Variants in RRN3 observed in about 807,000 individuals in gnomAD.
RRN3 encodes RNA polymerase I transcription factor RRN3.
A neutral mutation model predicts 82.3 loss-of-function variants in RRN3; 38 were observed. The observed-to-expected ratio is 0.46, with a 90% CI of 0.36 to 0.61. The LOEUF (loss-of-function observed/expected upper bound fraction) is 0.61, where lower values mean the gene tolerates loss of function less well. RRN3 is among the 20% of genes least tolerant of loss of function. The probability of loss-of-function intolerance (pLI) is 0.00; values close to 1 mark genes in which losing one functional copy is unlikely to be tolerated. For synonymous variants in RRN3, 284 were observed against 284.3 expected (o/e 1.00, Z 0.01); for missense variants, 726 against 793.1 (o/e 0.92, Z 1.02).
intron 1 of RRN3, among the ~76,000 whole-genome samples, 177 bp from the exon 2 acceptor site, chr16:15,092,791 T>A (rs1340639355): frequency 6.6e-6 from 1 of 152,188 alleles, no homozygotes; most frequent in Non-Finnish European, 1.5e-5. Flanking sequence ...ATAACTGTCT[T>A]CCCACTGCAC....
chr16:15,069,170 C>T (rs2045112673), intron 14 of RRN3, among the ~76,000 whole-genome samples: 2 of 152,114 alleles, frequency 1.3e-5, no homozygotes, highest in Admixed American at 1.3e-4. Flanking sequence ...AGACTGCGAC[C>T]CCCGCAGAGG....
chr16:15,090,362 T>C (rs561691570), intron 3 of RRN3, among the ~76,000 whole-genome samples: 6 of 152,248 alleles, frequency 3.9e-5, no homozygotes, highest in Non-Finnish European at 8.8e-5. Context: ...TGACAATTAT[T>C]GCCCTTACTT....
At chr16:15,072,288 T>C (rs1385845555) in intron 12 of RRN3, among the ~76,000 whole-genome samples, 3 of 149,778 alleles carry the variant, frequency 2.0e-5, no homozygotes, top group Middle Eastern at 3.2e-3. Context: ...AGACAAAGCC[T>C]AAAGTTTTTA....
At chr16:15,075,672 A>G (rs1359879806) in intron 10 of RRN3, among the ~76,000 whole-genome samples, 1 of 152,240 alleles carries the variant, frequency 6.6e-6, no homozygotes, top group Non-Finnish European at 1.5e-5. Context: ...GAAATTTAAA[A>G]TAAAAGCCAA....
chr16:15,065,165 C>G lies in RRN3; in HGVS notation c.1706+54G>C, dbSNP rs1274337441. ...TGGGCGACAGAGTGAGACTCCGTCTCAAAAAAAAAAAAAAAATCCACCTCC... is the reference window on the plus strand; with the variant it reads ...TGGGCGACAGAGTGAGACTCCGTCTGAAAAAAAAAAAAAAAATCCACCTCC... On this transcript the variant is annotated intron_variant, in intron 16 of 17. Coordinates refer to ENST00000198767, the MANE Select transcript of RRN3 (RefSeq NM_018427.5). The G allele has an allele frequency of 4.7e-6, 6 of 1,282,362 alleles. No individual in the cohort carries two copies. In the South Asian group the frequency reaches 5.7e-5, roughly 12 times the overall value. 79.4% of individuals were successfully genotyped at this position (1,282,362 alleles called of 1,614,324 possible). A position where few individuals can be genotyped will look rare whatever the true frequency, so the allele number is the denominator to read the frequency against.
chr16:15,073,143 ATT>A (rs1275650738), intron 11 of RRN3, 63 bp from the exon 12 acceptor site: 1 of 1,549,582 alleles, frequency 6.5e-7, no homozygotes, highest in Non-Finnish European at 8.8e-7. Flanking sequence ...CATCTGCCAT[ATT>A]TTTTATAAAC....
chr16:15,084,922 C>G (rs890725769), intron 6 of RRN3, among the ~76,000 whole-genome samples: 2 of 151,736 alleles, frequency 1.3e-5, no homozygotes, highest in African/African-American at 2.4e-5. Context: ...AAAAATTAGC[C>G]AGGCATGGTG....
intron 14 of RRN3, among the ~76,000 whole-genome samples, chr16:15,069,626 G>A (rs1047081780): frequency 6.6e-6 from 1 of 152,142 alleles, no homozygotes; most frequent in African/African-American, 2.4e-5. Flanking sequence ...TTCTAATCCT[G>A]CCACTAACCA....
chr16:15,090,873 G>GTTTTTTTTTTT (rs4012873), intron 3 of RRN3, among the ~76,000 whole-genome samples: 5 of 128,174 alleles, frequency 3.9e-5, no homozygotes, highest in Admixed American at 7.9e-5. Context: ...TCAGTGGTTT[G>GTTTTTTTTTTT]TTTTTTTTTT....
intron 15 of RRN3, among the ~76,000 whole-genome samples, chr16:15,066,274 G>A (rs1256359744): frequency 6.6e-6 from 1 of 152,120 alleles, no homozygotes; most frequent in Non-Finnish European, 1.5e-5. Context: ...GCAGCTGACC[G>A]CACTTCCGGG....
At position 15,086,379 on chromosome 16, in the gene RRN3, T is replaced by A. The variant is rs764080357; in HGVS notation, c.328A>T (p.Ile110Phe). 6.2e-7 allele frequency: 1 copy of A among 1,613,772 alleles called. No individual in the cohort carries two copies. Among genetic ancestry groups the A allele is most frequent in the Non-Finnish European group, 8.5e-7 (1 of 1,179,774 alleles). The change falls in exon 4 of 18, where the codon ATC (isoleucine) becomes TTC (phenylalanine). Residue 110 changes from isoleucine to phenylalanine, a missense_variant. By Grantham distance (21) the Ile-to-Phe change is conservative (BLOSUM62 0). Around this residue, in one of 4 missense-constraint regions of RRN3, gnomAD observed 344 missense variants for 394.5 expected, o/e 0.87. Transcript: ENST00000198767. ...MYLTKDFEQL[I>F]SIILRLPWLN... ...GGTGAACTTACTAATATAATACTGA[T>A]AAGTTGCTCAAAGTCTTTTGTCAAG...
intron 8 of RRN3, 102 bp downstream of exon 8, chr16:15,083,411 G>GA (rs2045785217): frequency 6.5e-7 from 1 of 1,530,690 alleles, no homozygotes; most frequent in Admixed American, 2.2e-5. Context: ...AAAAGAAAAA[G>GA]AAAAAGAAAG....
At chr16:15,062,487 C>G (rs1445261309) in intron 17 of RRN3, among the ~76,000 whole-genome samples, 1 of 152,220 alleles carries the variant, frequency 6.6e-6, no homozygotes, top group East Asian at 1.9e-4. Flanking sequence ...TCCCAAGCAA[C>G]AGAGCAGCGA....
intron 15 of RRN3, among the ~76,000 whole-genome samples, chr16:15,067,923 A>G (rs2045046346): frequency 6.6e-6 from 1 of 151,702 alleles, no homozygotes; most frequent in Non-Finnish European, 1.5e-5. Context: ...ACACCCAGCT[A>G]ATTTTTAAAA....
intron 16 of RRN3, among the ~76,000 whole-genome samples, chr16:15,064,110 G>A (rs1352552590): frequency 1.3e-5 from 2 of 152,002 alleles, no homozygotes; most frequent in African/African-American, 4.8e-5. Flanking sequence ...TTATACAAGT[G>A]CCAAGTTAAG....
At chr16:15,080,597 TTAA>T (rs2045657927) in intron 8 of RRN3, among the ~76,000 whole-genome samples, 1 of 152,096 alleles carries the variant, frequency 6.6e-6, no homozygotes, top group Non-Finnish European at 1.5e-5. Flanking sequence ...CCACATGAGG[TTAA>T]TTTTTCCTTT....
At chr16:15,090,635 T>C (rs2046092867) in intron 3 of RRN3, among the ~76,000 whole-genome samples, 1 of 152,178 alleles carries the variant, frequency 6.6e-6, no homozygotes, top group Non-Finnish European at 1.5e-5. Context: ...ATCTCTATTG[T>C]TTTCTTGGTT....
chr16:15,071,611 T>C (rs1221052118), intron 12 of RRN3, among the ~76,000 whole-genome samples: 1 of 151,910 alleles, frequency 6.6e-6, no homozygotes, highest in African/African-American at 2.4e-5. Flanking sequence ...CTACTAAAAA[T>C]ACAAAAATTA....
At chr16:15,090,186 C>T (rs946768281) in intron 3 of RRN3, among the ~76,000 whole-genome samples, 4 of 151,184 alleles carry the variant, frequency 2.6e-5, no homozygotes, top group African/African-American at 7.3e-5. Flanking sequence ...CTCCAGCCTG[C>T]GTGGTAAGAA....
Sources: gnomAD v4.1 joint callset for allele counts (sites outside exome capture counted in the v4.1 genomes callset) on GRCh38, gnomAD v4.1.1 for gene constraint, gnomAD v4.1.1 regional missense constraint, MANE v1.5 for transcripts, NCBI Gene and HGNC (gene_info 2026-07-23, HGNC 2026-07-21) for gene names.